Variants in TBC1D5 observed in about 807,000 individuals in gnomAD.
TBC1D5 encodes TBC1 domain family member 5.
A neutral mutation model predicts 100.3 loss-of-function variants in TBC1D5; 75 were observed. That is an observed-to-expected ratio of 0.75 (90% CI 0.62 to 0.91). The LOEUF (loss-of-function observed/expected upper bound fraction) is 0.91. TBC1D5 is among the 40% of genes least tolerant of loss of function. The probability of loss-of-function intolerance (pLI) is 0.00; values close to 1 mark genes in which losing one functional copy is unlikely to be tolerated. For synonymous variants in TBC1D5, 323 were observed against 325.6 expected (o/e 0.99, Z 0.09); for missense variants, 910 against 942.4 (o/e 0.97, Z 0.45).
chr3:17,434,713 T>A (rs897502720), intron 3 of TBC1D5, among the ~76,000 whole-genome samples: 2 of 152,222 alleles, frequency 1.3e-5, no homozygotes, highest in African/African-American at 4.8e-5. Flanking sequence ...TGAAGGTCTC[T>A]GACATGCCCT....
chr3:17,382,326 C>G (rs1463829074), intron 9 of TBC1D5, among the ~76,000 whole-genome samples: 5 of 152,000 alleles, frequency 3.3e-5, no homozygotes, highest in African/African-American at 9.7e-5. Context: ...TGTCTACACT[C>G]AGTGCTTTTA....
At chr3:17,683,951 G>A (rs1287010701) in intron 1 of TBC1D5, among the ~76,000 whole-genome samples, 1 of 152,134 alleles carries the variant, frequency 6.6e-6, no homozygotes, top group Non-Finnish European at 1.5e-5. Flanking sequence ...ACATGTGCAT[G>A]TGTGTCTGTG....
At chr3:17,293,399 T>C (rs1023568694) in intron 14 of TBC1D5, among the ~76,000 whole-genome samples, 13 of 152,202 alleles carry the variant, frequency 8.5e-5, no homozygotes, top group African/African-American at 2.9e-4. Flanking sequence ...AAGAAAGAAT[T>C]CTTATATATT....
At chr3:17,234,715 A>T (rs1035524080) in intron 17 of TBC1D5, among the ~76,000 whole-genome samples, 15 of 152,286 alleles carry the variant, frequency 9.8e-5, no homozygotes, top group African/African-American at 3.6e-4. Flanking sequence ...ATCATTTATG[A>T]TTAATTGACT....
In TBC1D5 at chr3:17,361,136, C is replaced by A. The variant is rs187864815; in HGVS notation, c.995+10939G>T. Among the ~76,000 whole-genome samples the A allele has an allele frequency of 1.0e-3, 157 of 152,046 alleles. 1 individual carries two copies. The highest frequency in any genetic ancestry group is 1.1e-3 in the Non-Finnish European group (76 of 67,862). On this transcript the variant is annotated intron_variant, in intron 13 of 21. Coordinates refer to ENST00000253692, the Ensembl canonical transcript of TBC1D5. ...ATATTTAAAAGTTTCACAATCAAGT[C>A]TCTATGTAACTATTTACGTGACTGG...
At chr3:17,342,472 C>T (rs28454413) in intron 13 of TBC1D5, among the ~76,000 whole-genome samples, 62,032 of 152,038 alleles carry the variant, frequency 0.41, 13,291 homozygotes, top group Middle Eastern at 0.5. Context: ...ACTCCTTGAG[C>T]TGTATTTCTA....
intron 1 of TBC1D5, among the ~76,000 whole-genome samples, chr3:17,653,673 C>A (rs558188575): frequency 4.6e-5 from 7 of 152,208 alleles, no homozygotes; most frequent in African/African-American, 1.7e-4. Flanking sequence ...TGAACAAAAT[C>A]TGTAATTTCA....
chr3:17,551,296 T>C (rs1487203130), intron 2 of TBC1D5, among the ~76,000 whole-genome samples: 2 of 152,126 alleles, frequency 1.3e-5, no homozygotes, highest in Non-Finnish European at 2.9e-5. Flanking sequence ...ATAAAATTAG[T>C]TTGACAGGGC....
chr3:17,224,153 C>T (rs2074590615), intron 17 of TBC1D5, among the ~76,000 whole-genome samples: 1 of 152,082 alleles, frequency 6.6e-6, no homozygotes, highest in South Asian at 2.1e-4. Context: ...TACTAGTGTT[C>T]CTGCTTATAT....
intron 1 of TBC1D5, among the ~76,000 whole-genome samples, chr3:17,709,669 C>T (rs2074520348): frequency 6.6e-6 from 1 of 152,088 alleles, no homozygotes; most frequent in Admixed American, 6.6e-5. Flanking sequence ...AAAGCCAAGG[C>T]AGGCCAGAAA....
chr3:17,541,861 T>C (rs1406661393), intron 2 of TBC1D5, among the ~76,000 whole-genome samples: 1 of 152,190 alleles, frequency 6.6e-6, no homozygotes, highest in African/African-American at 2.4e-5. Context: ...AGGACCACAG[T>C]GAATGACTGA....
At chr3:17,693,238 T>C (rs138085060) in intron 1 of TBC1D5, among the ~76,000 whole-genome samples, 1,611 of 152,258 alleles carry the variant, frequency 0.011, 34 homozygotes, top group African/African-American at 0.038. Context: ...TGGTTGGACA[T>C]TGGGTGCAGC....
chr3:17,236,572 G>A (rs1316521912), intron 17 of TBC1D5, among the ~76,000 whole-genome samples: 1 of 150,940 alleles, frequency 6.6e-6, no homozygotes, highest in Non-Finnish European at 1.5e-5. Context: ...TGCAACCTCC[G>A]CCTCCTAGGT....
chr3:17,538,547 TTTAACAAATTC>T (rs1169979670), intron 2 of TBC1D5, among the ~76,000 whole-genome samples: 1 of 152,180 alleles, frequency 6.6e-6, no homozygotes, highest in Non-Finnish European at 1.5e-5. Flanking sequence ...TTTAAAACTT[TTTAACAAATTC>T]TCACTCCTGT....
intron 2 of TBC1D5, among the ~76,000 whole-genome samples, chr3:17,588,922 T>C (rs1443325801): frequency 6.6e-6 from 1 of 152,194 alleles, no homozygotes; most frequent in African/African-American, 2.4e-5. Flanking sequence ...TACTAAAATA[T>C]CCATGATTTC....
intron 1 of TBC1D5, among the ~76,000 whole-genome samples, chr3:17,684,765 T>C (rs575673325): frequency 6.6e-6 from 1 of 152,212 alleles, no homozygotes; most frequent in East Asian, 1.9e-4. Context: ...ATGACTGACA[T>C]ACACAATTTA....
At position 17,585,522 on chromosome 3, in the gene TBC1D5, C is replaced by T. The variant is rs1254635177; in HGVS notation, c.-36+38327G>A. Among the ~76,000 whole-genome samples the T allele has an allele frequency of 2.0e-5, 3 of 152,056 alleles. No homozygotes were observed. In the East Asian group the frequency reaches 5.8e-4, roughly 29 times the overall value. The stretch of plus-strand genomic sequence containing the variant: ...GACTGTGGTGTTTCCCAGCAGTTAC[C>T]CAGTTCTCTAAGTCATTTGACAGCT... On this transcript the variant is annotated intron_variant, in intron 2 of 21. Coordinates refer to ENST00000253692, the Ensembl canonical transcript of TBC1D5.
intron 2 of TBC1D5, among the ~76,000 whole-genome samples, chr3:17,566,550 G>A (rs917089409): frequency 2.0e-4 from 31 of 151,812 alleles, no homozygotes; most frequent in Non-Finnish European, 3.4e-4. Flanking sequence ...TTCAAAATAA[G>A]AATCTTAAGA....
chr3:17,453,079 T>TAAA (rs570210975), intron 3 of TBC1D5, among the ~76,000 whole-genome samples: 2 of 81,904 alleles, frequency 2.4e-5, no homozygotes, highest in Admixed American at 1.4e-4. Context: ...AATGAAGAAA[T>TAAA]AAAAAAAAAA....
Sources: gnomAD v4.1 joint callset for allele counts (sites outside exome capture counted in the v4.1 genomes callset) on GRCh38, gnomAD v4.1.1 for gene constraint, MANE v1.5 for transcripts, NCBI Gene and HGNC (gene_info 2026-07-23, HGNC 2026-07-21) for gene names.